Variants in ZNF292 observed in about 807,000 individuals in gnomAD.
ZNF292 encodes zinc finger protein 292, also known as 16 zinc-finger domain protein.
A neutral mutation model predicts 217.9 loss-of-function variants in ZNF292; 26 were observed. The ratio of observed to expected loss-of-function variants is 0.12; its 90% CI spans 0.09 to 0.17. ZNF292 has a LOEUF of 0.17. Ranked by LOEUF, ZNF292 falls within the 10% of genes least tolerant of loss-of-function variation. The pLI is 1.00. For synonymous variants in ZNF292, 1,257 were observed against 1,124.1 expected (o/e 1.12, Z -2.37); for missense variants, 2,904 against 3,175.2 (o/e 0.91, Z 2.05).
At chr6:87,183,600 T>C (rs575479190) in intron 1 of ZNF292, among the ~76,000 whole-genome samples, 2 of 152,310 alleles carry the variant, frequency 1.3e-5, no homozygotes, top group East Asian at 3.9e-4. Flanking sequence ...AAGATGTTTA[T>C]TTACATTTTT....
In ZNF292 at chr6:87,233,511, G is replaced by A. The variant is rs772551631; in HGVS notation, c.725G>A (p.Gly242Glu). ...LVCLCTSSPN[G>E]KLIEEISEVD... Reference sequence around the variant, plus strand: ...TGTCTTTGTACATCATCACCAAATGGAAAGTTAATCGAAGAGGTGAGTATG... The same window carrying A: ...TGTCTTTGTACATCATCACCAAATGAAAAGTTAATCGAAGAGGTGAGTATG... The change falls in exon 5 of 8, where the codon GGA becomes GAA. Residue 242 changes from glycine to glutamate, a missense_variant. Physicochemically the swap from Gly to Glu is moderately conservative, Grantham distance 98 (BLOSUM62 -2). This residue lies in a region of ZNF292 where 313 missense variants were observed against 451.0 expected (regional missense o/e 0.69). Coordinates refer to ENST00000369577, the MANE Select transcript of ZNF292 (RefSeq NM_015021.3). 1.9e-6 allele frequency: 3 copies of A among 1,610,358 alleles called. No individual in the cohort carries two copies. The South Asian group carries it at 3.3e-5, about 18-fold the overall frequency.
chr6:87,207,100 C>T (rs1048844598), intron 1 of ZNF292, among the ~76,000 whole-genome samples: 3 of 152,186 alleles, frequency 2.0e-5, no homozygotes, highest in Non-Finnish European at 4.4e-5. Flanking sequence ...CTTTGATTTG[C>T]GTGCGCATGT....
chr6:87,180,878 A>T (rs1467226333), intron 1 of ZNF292, among the ~76,000 whole-genome samples: 1 of 152,158 alleles, frequency 6.6e-6, no homozygotes, highest in African/African-American at 2.4e-5. Context: ...TATTACAATT[A>T]ATAATTGTAA....
rs78465880 is a variant in ZNF292, at chr6:87,214,796, A to G, written c.169-1107A>G. 2.8e-3 allele frequency among the ~76,000 whole-genome samples: 423 copies of G among 152,268 alleles called. 2 individuals are homozygous for G. The highest frequency in any genetic ancestry group is 5.1e-3 in the Non-Finnish European group (346 of 68,014). Reference sequence around the variant, plus strand: ...TTGTTGCCCTTTAGTTTACCAGCTTACTTTTTCTATTGCTTTCGTCTAATC... The same window carrying G: ...TTGTTGCCCTTTAGTTTACCAGCTTGCTTTTTCTATTGCTTTCGTCTAATC... On this transcript the variant is annotated intron_variant, in intron 1 of 7. Transcript: ENST00000369577.
chr6:87,163,305 G>A (rs940393332), intron 1 of ZNF292, among the ~76,000 whole-genome samples: 1 of 152,022 alleles, frequency 6.6e-6, no homozygotes, highest in Non-Finnish European at 1.5e-5. Flanking sequence ...CAAAAAATTA[G>A]CCGGGTGTGG....
intron 1 of ZNF292, among the ~76,000 whole-genome samples, chr6:87,169,254 T>C (rs1771014830): frequency 6.6e-6 from 1 of 152,068 alleles, no homozygotes; most frequent in African/African-American, 2.4e-5. Flanking sequence ...TTGGCCAGGC[T>C]AGTCTCGAAC....
At chr6:87,197,744 AAGC>A (rs1162027310) in intron 1 of ZNF292, among the ~76,000 whole-genome samples, 1 of 140,424 alleles carries the variant, frequency 7.1e-6, no homozygotes, top group Non-Finnish European at 1.5e-5. Context: ...AAAAAAAAAA[AAGC>A]ATTCATTAGA....
At chr6:87,229,447 C>T (rs554153095) in intron 4 of ZNF292, among the ~76,000 whole-genome samples, 9 of 152,052 alleles carry the variant, frequency 5.9e-5, no homozygotes, top group Admixed American at 3.3e-4. Context: ...TTTTTTGAGA[C>T]GGAGTTTTTG....
At chr6:87,183,691 T>C (rs565151692) in intron 1 of ZNF292, among the ~76,000 whole-genome samples, 2 of 152,326 alleles carry the variant, frequency 1.3e-5, no homozygotes, top group South Asian at 4.1e-4. Flanking sequence ...GACATACATA[T>C]TTTTGCAAGC....
At chr6:87,236,252 TAGA>T in intron 5 of ZNF292, among the ~76,000 whole-genome samples, 1 of 152,314 alleles carries the variant, frequency 6.6e-6, no homozygotes, top group East Asian at 1.9e-4. Context: ...CAGACTTTGT[TAGA>T]AGGAGTCAGC....
intron 1 of ZNF292, among the ~76,000 whole-genome samples, chr6:87,157,275 G>C (rs1042229951): frequency 4.6e-5 from 7 of 152,166 alleles, no homozygotes; most frequent in South Asian, 2.1e-4. Context: ...GAGTACCTGT[G>C]GCAAAATTAA....
chr6:87,211,291 G>A (rs1485804746), intron 1 of ZNF292, among the ~76,000 whole-genome samples: 1 of 152,110 alleles, frequency 6.6e-6, no homozygotes, highest in Non-Finnish European at 1.5e-5. Context: ...TCAACCTAGT[G>A]GTCCTGGTAT....
intron 1 of ZNF292, among the ~76,000 whole-genome samples, chr6:87,170,551 T>C (rs1158488898): frequency 2.0e-5 from 3 of 152,226 alleles, no homozygotes; most frequent in Non-Finnish European, 4.4e-5. Flanking sequence ...AAAGATTACC[T>C]GATACTGCAA....
intron 1 of ZNF292, among the ~76,000 whole-genome samples, chr6:87,192,789 A>G (rs551181088): frequency 6.6e-6 from 1 of 152,276 alleles, no homozygotes; most frequent in East Asian, 1.9e-4. Context: ...TTCTCTACTG[A>G]TGAACGTTTA....
chr6:87,257,175 C>T lies in ZNF292; in HGVS notation c.3546C>T (p.Ala1182=). Residue 1182 remains alanine, a synonymous_variant, in exon 8 of 8, where the codon GCC becomes GCT. Coordinates refer to ENST00000369577, the MANE Select transcript of ZNF292 (RefSeq NM_015021.3). ...CCAATGGGAATCCTGCTTGTTCGGC[C>T]CAGTTGCAGCATGTCTCGCCACCCA... is the stretch of plus-strand genomic sequence containing the variant. The part of the protein sequence containing the change: ...TKANGNPACS[A]QLQHVSPPIF... The T allele has an allele frequency of 1.2e-6, 2 of 1,613,830 alleles. No individual in the cohort carries two copies. Among genetic ancestry groups the T allele is most frequent in the Non-Finnish European group, 1.7e-6 (2 of 1,179,844 alleles).
Position 87,257,635 on chromosome 6 carries a change from C to G in ZNF292, c.4006C>G (p.Gln1336Glu), listed in dbSNP as rs1317931779. The G allele has an allele frequency of 6.2e-6, 10 of 1,608,310 alleles. No individual in the cohort carries two copies. The highest frequency in any genetic ancestry group is 7.6e-6 in the Non-Finnish European group (9 of 1,177,116). ...VANNFSSTNA[Q>E]QSAPEKVKKD... Reference sequence around the variant, plus strand: ...AAATAACTTCAGTAGCACCAATGCCCAACAGTCTGCACCTGAAAAAGTTAA... The same window carrying G: ...AAATAACTTCAGTAGCACCAATGCCGAACAGTCTGCACCTGAAAAAGTTAA... The change falls in exon 8 of 8, where the codon CAA becomes GAA. Residue 1336 changes from glutamine to glutamate, a missense_variant. Physicochemically the swap from Gln to Glu is conservative, Grantham distance 29. Around this residue, in one of 15 missense-constraint regions of ZNF292, gnomAD observed 687 missense variants for 623.0 expected, o/e 1.10. Coordinates refer to ENST00000369577, the MANE Select transcript of ZNF292 (RefSeq NM_015021.3).
At chr6:87,173,208 C>CAAA (rs11396517) in intron 1 of ZNF292, among the ~76,000 whole-genome samples, 7 of 151,074 alleles carry the variant, frequency 4.6e-5, no homozygotes, top group South Asian at 2.1e-4. Context: ...AATTTTGGCA[C>CAAA]AAAAAAAAAT....
chr6:87,206,724 G>T (rs2127793672), intron 1 of ZNF292, among the ~76,000 whole-genome samples: 1 of 151,968 alleles, frequency 6.6e-6, no homozygotes, highest in Non-Finnish European at 1.5e-5. Flanking sequence ...TACAATATAT[G>T]AATTCCTAAC....
At chr6:87,171,899 CA>C (rs1771111524) in intron 1 of ZNF292, among the ~76,000 whole-genome samples, 1 of 152,176 alleles carries the variant, frequency 6.6e-6, no homozygotes, top group South Asian at 2.1e-4. Flanking sequence ...CAAGATATAC[CA>C]CTAGCGGAAC....
Sources: gnomAD v4.1 joint callset for allele counts (sites outside exome capture counted in the v4.1 genomes callset) on GRCh38, gnomAD v4.1.1 for gene constraint, gnomAD v4.1.1 regional missense constraint, MANE v1.5 for transcripts, NCBI Gene and HGNC (gene_info 2026-07-23, HGNC 2026-07-21) for gene names.